Variants in AKR1C1 observed in about 807,000 individuals in gnomAD.
The protein encoded by AKR1C1 is aldo-keto reductase family 1 member C1, also known as 20 alpha-hydroxysteroid dehydrogenase.
AKR1C1 carries 32 observed loss-of-function variants against 40.6 expected under a neutral mutation model. The ratio of observed to expected loss-of-function variants is 0.79; its 90% CI spans 0.60 to 1.06. The LOEUF (loss-of-function observed/expected upper bound fraction) is 1.06. Among genes scored for constraint, AKR1C1 ranks in the 50% least tolerant of loss-of-function variants. The pLI, the probability that AKR1C1 is intolerant of heterozygous loss-of-function variation, is 0.00. For synonymous variants in AKR1C1, 105 were observed against 134.2 expected (o/e 0.78, Z 1.50); for missense variants, 320 against 363.5 (o/e 0.88, Z 0.97).
chr10:4,976,686 C>A (rs142403896), intron 8 of AKR1C1, among the ~76,000 whole-genome samples: 2 of 152,066 alleles, frequency 1.3e-5, no homozygotes, highest in Non-Finnish European at 2.9e-5. Flanking sequence ...TTCTAAGGTT[C>A]TAGGATTCAT....
intron 3 of AKR1C1, chr10:4,967,755 T>C (rs1327263927): frequency 1.7e-6 from 1 of 585,606 alleles, no homozygotes; most frequent in Non-Finnish European, 2.2e-6. Flanking sequence ...AAGTATTTGT[T>C]CCAACCTTTT....
At position 4,977,882 on chromosome 10, in the gene AKR1C1, G is replaced by A. The variant is rs1836552243; in HGVS notation, c.*140G>A. Reference sequence around the variant, plus strand: ...GGTGATTTCAGCAAGCTACAGCAAAGCCCATTGGCCAGAAAGGAAAGACAA... The same window carrying A: ...GGTGATTTCAGCAAGCTACAGCAAAACCCATTGGCCAGAAAGGAAAGACAA... On this transcript the variant is annotated 3_prime_UTR_variant, in exon 9 of 9. Coordinates refer to ENST00000380872, the MANE Select transcript of AKR1C1 (RefSeq NM_001353.6). 7.9e-7 allele frequency: 1 copy of A among 1,268,206 alleles called. No individual in the cohort carries two copies. The allele number at this position is 1,268,206 out of a possible 1,614,324, so 78.6% of individuals were successfully genotyped here.
rs575884344 is a variant in AKR1C1, at chr10:4,967,202, A to G, written c.369+159A>G. 5.0e-6 allele frequency: 5 copies of G among 997,254 alleles called. No homozygotes were observed. In the African/African-American group the frequency reaches 8.2e-5, roughly 16 times the overall value. 61.8% of individuals were successfully genotyped at this position (997,254 alleles called of 1,614,324 possible). On this transcript the variant is annotated intron_variant, in intron 3 of 8. Coordinates refer to ENST00000380872, the MANE Select transcript of AKR1C1 (RefSeq NM_001353.6). Reference sequence around the variant, plus strand: ...CTCCTAATTCCTTTCTATGGGATACATTTTGAATCCATACTTCCGTGATTG... The same window carrying G: ...CTCCTAATTCCTTTCTATGGGATACGTTTTGAATCCATACTTCCGTGATTG...
chr10:4,973,824 T>A (rs1242223376), intron 7 of AKR1C1, among the ~76,000 whole-genome samples: 1 of 151,962 alleles, frequency 6.6e-6, no homozygotes, highest in East Asian at 1.9e-4. Flanking sequence ...TTTCATATAT[T>A]CTTAAGAATA....
rs6601885 is a variant in AKR1C1, at chr10:4,982,558, C to G, written c.*4816C>G. 84,074 of 167,048 alleles carry G rather than the reference C, an allele frequency of 0.5. 21,867 individuals carry two copies. Among genetic ancestry groups the G allele is most frequent in the East Asian group, 0.89 (4,840 of 5,428 alleles). 10.3% of individuals were successfully genotyped at this position (167,048 alleles called of 1,614,324 possible). On this transcript the variant is annotated 3_prime_UTR_variant, in exon 9 of 9. Coordinates refer to ENST00000380872, the MANE Select transcript of AKR1C1 (RefSeq NM_001353.6). ...GGCTGCAGCCTGCCTTATCCAAGGA[C>G]AGTTAGAGTGCAGACCCACCTAACC...
chr10:4,975,533 CT>C (rs1487466593), intron 7 of AKR1C1, among the ~76,000 whole-genome samples: 1 of 152,156 alleles, frequency 6.6e-6, no homozygotes, highest in Non-Finnish European at 1.5e-5. Context: ...CCTCTAGATT[CT>C]TGTGGGTCTT....
intron 5 of AKR1C1, among the ~76,000 whole-genome samples, chr10:4,971,478 T>C (rs1836425293): frequency 6.9e-6 from 1 of 144,702 alleles, no homozygotes; most frequent in African/African-American, 2.6e-5. Context: ...CATTTTTTAA[T>C]GCTCACATCT....
intron 3 of AKR1C1, chr10:4,967,890 G>A (rs1044367351): frequency 5.3e-6 from 1 of 188,842 alleles, no homozygotes; most frequent in Admixed American, 5.4e-5. Flanking sequence ...TTGGTTCATG[G>A]TCCTGTGCAT....
chr10:4,969,600 T>A, intron 5 of AKR1C1: 3 of 1,552,512 alleles, frequency 1.9e-6, no homozygotes, highest in Non-Finnish European at 2.6e-6. Context: ...CGCTCCTAGT[T>A]GGCTGCTCTT....
chr10:4,964,558 T>C (rs1017177993), intron 1 of AKR1C1, among the ~76,000 whole-genome samples: 4 of 152,228 alleles, frequency 2.6e-5, no homozygotes, highest in African/African-American at 9.6e-5. Flanking sequence ...TCTGAAATAC[T>C]TTCCAGATAG....
At chr10:4,977,610 A>C in intron 8 of AKR1C1, 90 bp from the exon 9 acceptor site, 2 of 1,520,568 alleles carry the variant, frequency 1.3e-6, no homozygotes, top group East Asian at 4.6e-5. Flanking sequence ...TAACATCTAC[A>C]CTAGCGGCAG....
At chr10:4,965,888 A>G in intron 1 of AKR1C1, 26 bp from the exon 2 acceptor site, 1 of 1,598,264 alleles carries the variant, frequency 6.3e-7, no homozygotes. Context: ...TTAGTCAGAA[A>G]ATACTACCTA....
intron 7 of AKR1C1, among the ~76,000 whole-genome samples, chr10:4,975,243 C>G (rs1836509422): frequency 1.3e-5 from 2 of 151,988 alleles, no homozygotes; most frequent in Admixed American, 1.3e-4. Context: ...CTCTCTTTCT[C>G]TCATTTTCTG....
At chr10:4,974,674 A>G (rs1384201832) in intron 7 of AKR1C1, among the ~76,000 whole-genome samples, 1 of 152,096 alleles carries the variant, frequency 6.6e-6, no homozygotes, top group Non-Finnish European at 1.5e-5. Flanking sequence ...ATTTATTGAA[A>G]AGTTCATATT....
At chr10:4,966,326 G>A (rs1345268595) in intron 2 of AKR1C1, among the ~76,000 whole-genome samples, 2 of 152,116 alleles carry the variant, frequency 1.3e-5, no homozygotes, top group Non-Finnish European at 2.9e-5. Flanking sequence ...AGATCAATAT[G>A]GTTTAACATA....
rs528571099 is a variant in AKR1C1 at position 4,978,398 on chromosome 10, A to G, written c.*656A>G. 4.0e-5 allele frequency: 6 copies of G among 151,206 alleles called. No homozygotes were observed. The highest frequency in any genetic ancestry group is 1.5e-4 in the African/African-American group (6 of 40,928). 9.4% of individuals were successfully genotyped at this position (151,206 alleles called of 1,614,324 possible). A position where few individuals can be genotyped will look rare whatever the true frequency, so the allele number is the denominator to read the frequency against. ...CGAGTACATCTCTGCTTGGAAAAAC[A>G]TATCAACACCCTTTTTTTTGAACAT... On this transcript the variant is annotated 3_prime_UTR_variant, in exon 9 of 9. Transcript: ENST00000380872.
At position 4,965,175 on chromosome 10, in the gene AKR1C1, T is replaced by C. The variant is rs1257337487; in HGVS notation, c.85-739T>C. Among the ~76,000 whole-genome samples, 6 of 152,202 alleles carry C rather than the reference T, an allele frequency of 3.9e-5. No homozygotes were observed. The East Asian group carries it at 1.2e-3, about 29-fold the overall frequency. On this transcript the variant is annotated intron_variant, in intron 1 of 8. Transcript: ENST00000380872. ...TAAAGTCAGTGCATTCTGTGCAATA[T>C]GGTGGGAGAGGAATCACAGGAGCTT... is the stretch of plus-strand genomic sequence containing the variant.
At chr10:4,974,111 C>A (rs1306071655) in intron 7 of AKR1C1, among the ~76,000 whole-genome samples, 1 of 151,150 alleles carries the variant, frequency 6.6e-6, no homozygotes, top group East Asian at 1.9e-4. Flanking sequence ...TAGGTAATGG[C>A]ATTTACTATA....
At chr10:4,977,543 G>A (rs1554770604) in intron 8 of AKR1C1, among the ~76,000 whole-genome samples, 157 bp from the exon 9 acceptor site, 1 of 152,226 alleles carries the variant, frequency 6.6e-6, no homozygotes, top group Non-Finnish European at 1.5e-5. Context: ...ATATGATAAA[G>A]TCACATTCAT....
Sources: gnomAD v4.1 joint callset for allele counts (sites outside exome capture counted in the v4.1 genomes callset) on GRCh38, gnomAD v4.1.1 for gene constraint, MANE v1.5 for transcripts, NCBI Gene and HGNC (gene_info 2026-07-23, HGNC 2026-07-21) for gene names.